Variants in KLHL32 observed in about 807,000 individuals in gnomAD.
KLHL32 encodes the protein kelch-like protein 32.
A neutral mutation model predicts 64.8 loss-of-function variants in KLHL32; 35 were observed. The ratio of observed to expected loss-of-function variants is 0.54; its 90% CI spans 0.41 to 0.72. The LOEUF is 0.72. KLHL32 is among the 30% of genes least tolerant of loss of function. The pLI, the probability that KLHL32 is intolerant of heterozygous loss-of-function variation, is 0.00. For synonymous variants in KLHL32, 259 were observed against 281.0 expected, an observed-to-expected ratio of 0.92 and a Z score of 0.78; for missense variants, 589 against 768.5, an observed-to-expected ratio of 0.77 and a Z score of 2.76.
intron 3 of KLHL32, among the ~76,000 whole-genome samples, chr6:96,990,794 T>C (rs1562222143): frequency 1.3e-5 from 2 of 152,118 alleles, no homozygotes. Context: ...GCAGGGAGCA[T>C]TGGAGGCTCA....
intron 5 of KLHL32, among the ~76,000 whole-genome samples, chr6:97,069,160 A>T (rs568565788): frequency 1.1e-4 from 16 of 152,314 alleles, no homozygotes; most frequent in Non-Finnish European, 1.8e-4. Flanking sequence ...CCAAATTCTT[A>T]CTATTCTTCA....
intron 4 of KLHL32, among the ~76,000 whole-genome samples, chr6:97,056,117 T>C (rs1787856167): frequency 7.4e-6 from 1 of 135,656 alleles, no homozygotes; most frequent in Admixed American, 7.5e-5. Context: ...TTTTTTTTTT[T>C]TTTTTTGAGA....
intron 3 of KLHL32, among the ~76,000 whole-genome samples, chr6:96,992,218 G>A (rs1459489713): frequency 6.6e-6 from 1 of 152,244 alleles, no homozygotes; most frequent in East Asian, 1.9e-4. Flanking sequence ...GGTACCAGGG[G>A]ATCCATGGCT....
At chr6:97,107,211 T>C (rs1452280398) in intron 6 of KLHL32, among the ~76,000 whole-genome samples, 2 of 151,494 alleles carry the variant, frequency 1.3e-5, no homozygotes, top group African/African-American at 2.4e-5. Flanking sequence ...GAGAATGGCG[T>C]GAATCCAGGA....
At chr6:96,984,098 T>A (rs1776698797) in intron 3 of KLHL32, among the ~76,000 whole-genome samples, 1 of 152,238 alleles carries the variant, frequency 6.6e-6, no homozygotes, top group African/African-American at 2.4e-5. Context: ...CTCATTGGTT[T>A]CAAAGCACAT....
chr6:97,040,944 C>A (rs1209968812), intron 3 of KLHL32, among the ~76,000 whole-genome samples: 1 of 152,184 alleles, frequency 6.6e-6, no homozygotes, highest in Non-Finnish European at 1.5e-5. Flanking sequence ...TGTAAGTTTC[C>A]TGAGGCCTCC....
Position 97,139,204 on chromosome 6 carries a change from C to G in KLHL32, c.1785C>G (p.Cys595Trp), listed in dbSNP as rs1419217572. 2 of 1,613,826 alleles carry G rather than the reference C, an allele frequency of 1.2e-6. No individual in the cohort carries two copies. Among genetic ancestry groups the G allele is most frequent in the South Asian group, 2.2e-5 (2 of 91,084 alleles). Reference sequence around the variant, plus strand: ...TTGCTTCCAATGGAATAGCAGCATGCTTCCTTCCAGCTCCATATTTTACAT... The same window carrying G: ...TTGCTTCCAATGGAATAGCAGCATGGTTCCTTCCAGCTCCATATTTTACAT... ...LPFASNGIAA[C>W]FLPAPYFTCP... Residue 595 changes from cysteine (C) to tryptophan (W), a missense_variant, in exon 11 of 11, where the codon TGC becomes TGG. By Grantham distance (215) the Cys-to-Trp change is radical. Around this residue, in one of 3 missense-constraint regions of KLHL32, gnomAD observed 172 missense variants for 192.0 expected, o/e 0.90. Transcript: ENST00000369261.
intron 6 of KLHL32, among the ~76,000 whole-genome samples, chr6:97,089,908 G>C (rs143336807): frequency 6.6e-6 from 1 of 152,124 alleles, no homozygotes; most frequent in African/African-American, 2.4e-5. Context: ...AAATTTGCTG[G>C]CTATGTGAGT....
At chr6:97,130,550 G>T (rs923925020) in intron 8 of KLHL32, among the ~76,000 whole-genome samples, 1 of 152,146 alleles carries the variant, frequency 6.6e-6, no homozygotes, top group Non-Finnish European at 1.5e-5. Context: ...TGTGTAAATC[G>T]CAAAAACAAT....
chr6:96,983,514 C>G (rs1164603290), intron 3 of KLHL32, among the ~76,000 whole-genome samples: 1 of 152,290 alleles, frequency 6.6e-6, no homozygotes, highest in Non-Finnish European at 1.5e-5. Flanking sequence ...TGGTGCTGGA[C>G]TTTATTTGGT....
At chr6:96,937,854 T>A (rs1203110364) in intron 1 of KLHL32, among the ~76,000 whole-genome samples, 1 of 152,158 alleles carries the variant, frequency 6.6e-6, no homozygotes, top group Non-Finnish European at 1.5e-5. Context: ...TTCCATCATG[T>A]CACTCTTCTT....
intron 6 of KLHL32, among the ~76,000 whole-genome samples, chr6:97,088,176 A>G (rs1002247172): frequency 1.3e-5 from 2 of 152,194 alleles, no homozygotes; most frequent in African/African-American, 4.8e-5. Context: ...TTAGATGGAT[A>G]AGGACATAGA....
At chr6:97,001,005 C>G (rs1218575823) in intron 3 of KLHL32, among the ~76,000 whole-genome samples, 1 of 152,102 alleles carries the variant, frequency 6.6e-6, no homozygotes, top group Non-Finnish European at 1.5e-5. Flanking sequence ...AATAAAAGGT[C>G]AGTGTTTGGC....
At chr6:97,036,427 T>G (rs1050840529) in intron 3 of KLHL32, among the ~76,000 whole-genome samples, 1 of 152,242 alleles carries the variant, frequency 6.6e-6, no homozygotes, top group Non-Finnish European at 1.5e-5. Context: ...CCCTGACATT[T>G]CATGTTCCTT....
chr6:97,075,191 A>G (rs905523502), intron 5 of KLHL32, among the ~76,000 whole-genome samples: 7 of 152,146 alleles, frequency 4.6e-5, no homozygotes, highest in African/African-American at 1.4e-4. Context: ...GCCTTGCAAG[A>G]CTCCAAAAAT....
chr6:96,951,060 T>G (rs966914027), intron 1 of KLHL32, among the ~76,000 whole-genome samples: 2 of 152,196 alleles, frequency 1.3e-5, no homozygotes, highest in Admixed American at 6.5e-5. Context: ...AGGTTAGAAC[T>G]GTGACCTGAT....
intron 3 of KLHL32, among the ~76,000 whole-genome samples, chr6:96,988,731 T>C (rs1326756684): frequency 3.9e-5 from 6 of 152,168 alleles, no homozygotes; most frequent in African/African-American, 1.4e-4. Flanking sequence ...TAGACTGGAT[T>C]AAGAAAATGT....
chr6:97,089,183 C>A (rs149204425), intron 6 of KLHL32, among the ~76,000 whole-genome samples: 72 of 152,308 alleles, frequency 4.7e-4, no homozygotes, highest in African/African-American at 1.7e-3. Flanking sequence ...TGATTTTAAA[C>A]CATAAGTACA....
At chr6:97,135,433 G>A (rs1227170647) in intron 10 of KLHL32, among the ~76,000 whole-genome samples, 1 of 149,924 alleles carries the variant, frequency 6.7e-6, no homozygotes, top group Non-Finnish European at 1.5e-5. Flanking sequence ...AGCCTCCTGA[G>A]TAACTGGGAT....
Sources: gnomAD v4.1 joint callset for allele counts (sites outside exome capture counted in the v4.1 genomes callset) on GRCh38, gnomAD v4.1.1 for gene constraint, gnomAD v4.1.1 regional missense constraint, MANE v1.5 for transcripts, NCBI Gene and HGNC (gene_info 2026-07-23, HGNC 2026-07-21) for gene names.